The following UTRN variants were observed in gnomAD, a reference collection of about 807,000 sequenced individuals.
The protein encoded by UTRN is dystrophin-related protein 1.
UTRN carries 283 observed loss-of-function variants against 463.9 expected under a neutral mutation model. That is an observed-to-expected ratio of 0.61 (90% CI 0.55 to 0.67). The LOEUF (loss-of-function observed/expected upper bound fraction) is 0.67, where lower values mean the gene tolerates loss of function less well. UTRN is among the 30% of genes least tolerant of loss of function. The pLI is 0.00. For synonymous variants in UTRN, 1,442 were observed against 1,431.5 expected (o/e 1.01, Z -0.17); for missense variants, 3,922 against 4,084.3 (o/e 0.96, Z 1.08).
intron 1 of UTRN, among the ~76,000 whole-genome samples, chr6:144,289,126 A>G (rs1014554973): frequency 6.6e-6 from 1 of 152,154 alleles, no homozygotes; most frequent in Non-Finnish European, 1.5e-5. Flanking sequence ...ATCTCCGCTT[A>G]TATAACTCAG....
chr6:144,466,301 T>C (rs2128563791), intron 23 of UTRN, among the ~76,000 whole-genome samples: 1 of 152,360 alleles, frequency 6.6e-6, no homozygotes, highest in South Asian at 2.1e-4. Context: ...TCCTTCAATA[T>C]TTGTAAGAGG....
At chr6:144,556,526 G>A (rs1453705161) in intron 49 of UTRN, among the ~76,000 whole-genome samples, 2 of 152,182 alleles carry the variant, frequency 1.3e-5, no homozygotes, top group Admixed American at 6.5e-5. Context: ...GCTACAAAAA[G>A]CATTATATTA....
rs1209062084 is a variant in UTRN at position 144,758,094 on chromosome 6, A to G, written c.8495+105A>G. 4 of 913,010 alleles carry G rather than the reference A, an allele frequency of 4.4e-6. No individual in the cohort carries two copies. The East Asian group carries it at 8.0e-5, about 18-fold the overall frequency. The allele number at this position is 913,010 out of a possible 1,614,324, so 56.6% of individuals were successfully genotyped here. On this transcript the variant is annotated intron_variant, in intron 58 of 74. Transcript: ENST00000367545. The stretch of plus-strand genomic sequence containing the variant: ...ACTTTTAAAAATAGAATTCAGTCCT[A>G]TTATCTGAAAGAAACTGTGATATAG...
intron 58 of UTRN, among the ~76,000 whole-genome samples, chr6:144,769,889 G>T (rs1051165666): frequency 1.3e-5 from 2 of 152,136 alleles, no homozygotes; most frequent in South Asian, 2.1e-4. Flanking sequence ...TTCCATATTT[G>T]TTGGTAATAG....
chr6:144,348,619 A>G (rs1434112942), intron 2 of UTRN, among the ~76,000 whole-genome samples: 2 of 152,186 alleles, frequency 1.3e-5, no homozygotes, highest in East Asian at 3.9e-4. Flanking sequence ...TGGGAGAAAA[A>G]GAGTAGAAAG....
Position 144,321,500 on chromosome 6 carries a change from C to T in UTRN, c.79+29593C>T, listed in dbSNP as rs9496927. Among the ~76,000 whole-genome samples, 441 of 131,102 alleles carry T rather than the reference C, an allele frequency of 3.4e-3. 2 individuals carry two copies. Among genetic ancestry groups the T allele is most frequent in the African/African-American group, 0.011 (373 of 35,388 alleles). 86.0% of individuals were successfully genotyped at this position (131,102 alleles called of 152,430 possible). The stretch of plus-strand genomic sequence containing the variant: ...TTTTTTTTTTTTTGAGACAGAGTCT[C>T]GCTCTGTCATCCAGGCTGGAGTGCA... On this transcript the variant is annotated intron_variant, in intron 2 of 74. Coordinates refer to ENST00000367545, the MANE Select transcript of UTRN (RefSeq NM_007124.3).
chr6:144,819,562 G>C (rs62427246), intron 65 of UTRN, among the ~76,000 whole-genome samples: 16,753 of 151,994 alleles, frequency 0.11, 1,632 homozygotes, highest in Admixed American at 0.32. Flanking sequence ...GTGTGGTGGT[G>C]CGCACCTGTA....
intron 35 of UTRN, among the ~76,000 whole-genome samples, chr6:144,511,609 T>C (rs757572808): frequency 1.2e-4 from 18 of 152,218 alleles, no homozygotes; most frequent in Non-Finnish European, 1.5e-5. Context: ...CATTATTATA[T>C]CTATCTCATA....
intron 51 of UTRN, among the ~76,000 whole-genome samples, chr6:144,621,056 A>C (rs1159046445): frequency 6.6e-6 from 1 of 152,190 alleles, no homozygotes; most frequent in African/African-American, 2.4e-5. Flanking sequence ...AACCTTGGAC[A>C]AACTAGTTAA....
chr6:144,625,005 T>C (rs1775805142), intron 51 of UTRN, among the ~76,000 whole-genome samples: 2 of 152,202 alleles, frequency 1.3e-5, no homozygotes, highest in Non-Finnish European at 2.9e-5. Flanking sequence ...AAAATAGTGC[T>C]TCTGAAATTC....
At chr6:144,324,494 T>G (rs1775856434) in intron 2 of UTRN, among the ~76,000 whole-genome samples, 1 of 152,246 alleles carries the variant, frequency 6.6e-6, no homozygotes, top group East Asian at 1.9e-4. Context: ...CAGCTGATGT[T>G]ATTAATATTA....
At chr6:144,731,041 A>G (rs1215700105) in intron 54 of UTRN, among the ~76,000 whole-genome samples, 1 of 150,866 alleles carries the variant, frequency 6.6e-6, no homozygotes, top group African/African-American at 2.4e-5. Flanking sequence ...TATATTTCTT[A>G]TATTTAAACA....
chr6:144,372,227 C>T lies in UTRN; in HGVS notation c.80-30896C>T, dbSNP rs957223327. On this transcript the variant is annotated intron_variant, in intron 2 of 74. Coordinates refer to ENST00000367545, the MANE Select transcript of UTRN (RefSeq NM_007124.3). ...TTGCTATAGCATCTAATGAGCTCAG[C>T]GCTTCTGACAGTATGTCCTATGGAT... 4.6e-5 allele frequency among the ~76,000 whole-genome samples: 7 copies of T among 152,338 alleles called. No homozygotes were observed. In the South Asian group the frequency reaches 1.0e-3, roughly 23 times the overall value.
chr6:144,834,124 A>C (rs532545527), intron 69 of UTRN, among the ~76,000 whole-genome samples: 1 of 152,334 alleles, frequency 6.6e-6, no homozygotes, highest in South Asian at 2.1e-4. Flanking sequence ...TTCAATCCTT[A>C]ACCCACTGGT....
chr6:144,412,344 A>G (rs1783972055), intron 3 of UTRN, among the ~76,000 whole-genome samples: 1 of 152,210 alleles, frequency 6.6e-6, no homozygotes, highest in Non-Finnish European at 1.5e-5. Context: ...TTAAAAATGT[A>G]TTATCATATA....
intron 7 of UTRN, among the ~76,000 whole-genome samples, chr6:144,427,942 A>T (rs984603574): frequency 3.3e-5 from 5 of 152,150 alleles, no homozygotes; most frequent in Non-Finnish European, 7.3e-5. Flanking sequence ...CTGAAGGAAA[A>T]TACATCAGAC....
At chr6:144,732,257 T>TATATACATATATATATATATAC (rs1562832796) in intron 54 of UTRN, among the ~76,000 whole-genome samples, 57 of 85,496 alleles carry the variant, frequency 6.7e-4, no homozygotes, top group Non-Finnish European at 9.8e-4. Flanking sequence ...TATATATATA[T>TATATACATATATATATATATAC]ACACACATAT....
At chr6:144,675,850 G>A (rs1781535954) in intron 51 of UTRN, among the ~76,000 whole-genome samples, 2 of 152,140 alleles carry the variant, frequency 1.3e-5, no homozygotes, top group South Asian at 2.1e-4. Context: ...GTCTCCAGAC[G>A]CTGTTCTGTC....
At chr6:144,382,887 G>A (rs1264511074) in intron 2 of UTRN, among the ~76,000 whole-genome samples, 1 of 152,110 alleles carries the variant, frequency 6.6e-6, no homozygotes, top group East Asian at 1.9e-4. Context: ...CTGTCCTTCA[G>A]TGTTACGTTT....
Sources: gnomAD v4.1 joint callset for allele counts (sites outside exome capture counted in the v4.1 genomes callset) on GRCh38, gnomAD v4.1.1 for gene constraint, MANE v1.5 for transcripts, NCBI Gene and HGNC (gene_info 2026-07-23, HGNC 2026-07-21) for gene names.